The following SMPD4 variants were observed in gnomAD, a reference collection of about 807,000 sequenced individuals.
The protein encoded by SMPD4 is neutral sphingomyelinase 3.
A neutral mutation model predicts 97.8 loss-of-function variants in SMPD4; 58 were observed. The ratio of observed to expected loss-of-function variants is 0.59; its 90% CI spans 0.48 to 0.74. The LOEUF (loss-of-function observed/expected upper bound fraction) is 0.74. Ranked by LOEUF, SMPD4 falls within the 30% of genes least tolerant of loss-of-function variation. The pLI, the probability that SMPD4 is intolerant of heterozygous loss-of-function variation, is 0.00. For synonymous variants in SMPD4, 388 were observed against 450.0 expected, an observed-to-expected ratio of 0.86 and a Z score of 1.74; for missense variants, 853 against 1,080.5, an observed-to-expected ratio of 0.79 and a Z score of 2.95.
Position 130,181,555 on chromosome 2 carries a change from C to T in SMPD4, c.-71G>A. 2 of 1,606,504 alleles carry T rather than the reference C, an allele frequency of 1.2e-6. No individual in the cohort carries two copies. Among genetic ancestry groups the T allele is most frequent in the Non-Finnish European group, 8.5e-7 (1 of 1,177,538 alleles). ...CTGTGGGATCCATAGCGTCGCTCGCCTCAGAGATGGAAGCCGCCATTCCGC... is the reference window on the plus strand; with the variant it reads ...CTGTGGGATCCATAGCGTCGCTCGCTTCAGAGATGGAAGCCGCCATTCCGC... On this transcript the variant is annotated 5_prime_UTR_variant, in exon 1 of 20. Transcript: ENST00000680298.
At chr2:130,154,013 G>A (rs2104800587) in intron 16 of SMPD4, 78 bp from the exon 17 acceptor site, 5 of 1,411,578 alleles carry the variant, frequency 3.5e-6, no homozygotes, top group South Asian at 2.5e-5. Context: ...GCAATGCACA[G>A]CCAGACTGCT....
In SMPD4 at chr2:130,153,332, AGG is replaced by A; in HGVS notation, c.2010_2011del (p.Leu671GlyfsTer13). On this transcript the variant is annotated frameshift_variant, in exon 18 of 20. Transcript: ENST00000680298. LOFTEE classifies it high-confidence loss of function. ...CGGGCCTCTCACCTGGTACCGCCCCAGGGGCGTAAGGATGAGTCCGTCCTCAC... is the reference window on the plus strand; with the variant it reads ...CGGGCCTCTCACCTGGTACCGCCCCAGGCGTAAGGATGAGTCCGTCCTCAC... 1.9e-6 allele frequency: 3 copies of A among 1,613,712 alleles called. No homozygotes were observed. Among genetic ancestry groups the A allele is most frequent in the Non-Finnish European group, 2.5e-6 (3 of 1,179,996 alleles).
rs1278451724 is a variant in SMPD4, at chr2:130,164,402, T to A, written c.836A>T (p.Tyr279Phe). Residue 279 changes from tyrosine (Y) to phenylalanine (F), a missense_variant, in exon 10 of 20, where the codon TAT (tyrosine) becomes TTT (phenylalanine). Tyr to Phe is a conservative substitution (Grantham distance 22). Around this residue, in one of 3 missense-constraint regions of SMPD4, gnomAD observed 313 missense variants for 402.2 expected, o/e 0.78. Transcript: ENST00000680298. ...GGCATGAGGGGACTGCATTTTTTGA[T>A]ACATCTCCAAGGAATAGTGATGAAG... ...MWLHHYSLEMYQKMQSPHAKL... is the reference protein window; with the variant it reads ...MWLHHYSLEMFQKMQSPHAKL... The A allele has an allele frequency of 6.2e-7, 1 of 1,614,108 alleles. No homozygotes were observed. The highest frequency in any genetic ancestry group is 1.7e-5 in the Admixed American group (1 of 60,014).
intron 8 of SMPD4, among the ~76,000 whole-genome samples, chr2:130,168,574 C>T (rs111795012): frequency 1.3e-5 from 2 of 152,008 alleles, no homozygotes; most frequent in African/African-American, 4.8e-5. Context: ...GGCTGGAGTG[C>T]AATGATGCAA....
At chr2:130,174,868 G>A (rs997831078) in intron 3 of SMPD4, 46 bp downstream of exon 3, 24 of 1,378,148 alleles carry the variant, frequency 1.7e-5, no homozygotes, top group Middle Eastern at 1.8e-4. Flanking sequence ...GTTCTTCAAC[G>A]AATGTATAAG....
At position 130,174,895 on chromosome 2, in the gene SMPD4, G is replaced by A; in HGVS notation, c.126+19C>T. On this transcript the variant is annotated intron_variant, in intron 3 of 19. Transcript: ENST00000680298. ...ATGTATAAGACATGCTCCAAAGAGA[G>A]ACGTTAGCAGAGCTATACCTTTGCT... The A allele has an allele frequency of 1.3e-6, 2 of 1,541,886 alleles. No individual in the cohort carries two copies. The highest frequency in any genetic ancestry group is 1.1e-5 in the South Asian group (1 of 89,282).
rs1190826801 is a variant in SMPD4, at chr2:130,181,573, C to T, written c.-89G>A. 1 of 1,607,056 alleles carries T rather than the reference C, an allele frequency of 6.2e-7. No homozygotes were observed. The highest frequency in any genetic ancestry group is 1.7e-5 in the Admixed American group (1 of 59,268). On this transcript the variant is annotated 5_prime_UTR_variant, in exon 1 of 20. The change abolishes an upstream ATG in the 5' untranslated region. Coordinates refer to ENST00000680298, the MANE Select transcript of SMPD4 (RefSeq NM_017951.5). ...CGCTCGCCTCAGAGATGGAAGCCGC[C>T]ATTCCGCCACGGCGCCGAAAGTCGT...
chr2:130,171,341 G>T (rs1412412081), intron 8 of SMPD4, among the ~76,000 whole-genome samples: 3 of 151,796 alleles, frequency 2.0e-5, no homozygotes, highest in Non-Finnish European at 2.9e-5. Context: ...GACCTCAGGC[G>T]ATCCCTCCAC....
Position 130,153,665 on chromosome 2 carries a change from A to G in SMPD4, c.1893+37T>C, listed in dbSNP as rs761093722. 1.4e-5 allele frequency: 22 copies of G among 1,601,230 alleles called. 1 individual carries two copies. The South Asian group carries it at 2.4e-4, about 18-fold the overall frequency. On this transcript the variant is annotated intron_variant, in intron 17 of 19. Coordinates refer to ENST00000680298, the MANE Select transcript of SMPD4 (RefSeq NM_017951.5). ...TGGAGTGGATCCTTCAGGGAAGGGG[A>G]CCCTGATGGCGGTGGGGCAGGCCCC... is the stretch of plus-strand genomic sequence containing the variant.
intron 10 of SMPD4, among the ~76,000 whole-genome samples, chr2:130,162,068 G>A (rs893732290): frequency 2.0e-5 from 3 of 152,154 alleles, no homozygotes; most frequent in Admixed American, 6.5e-5. Context: ...CTAAGGTGGT[G>A]TGCACATCAG....
At chr2:130,170,303 A>T (rs1490378106) in intron 8 of SMPD4, among the ~76,000 whole-genome samples, 3 of 151,930 alleles carry the variant, frequency 2.0e-5, no homozygotes, top group African/African-American at 7.3e-5. Context: ...TCTGCTCAAC[A>T]TGGTGAAACC....
At chr2:130,179,575 G>A (rs1327972600) in intron 1 of SMPD4, among the ~76,000 whole-genome samples, 2 of 150,662 alleles carry the variant, frequency 1.3e-5, no homozygotes, top group Admixed American at 6.6e-5. Flanking sequence ...TTTAGTAGAG[G>A]CGGGTTTCCC....
intron 10 of SMPD4, among the ~76,000 whole-genome samples, chr2:130,163,933 G>C (rs112032236): frequency 0.044 from 6,706 of 152,302 alleles, 482 homozygotes; most frequent in African/African-American, 0.15. Context: ...TGGAGAAGGT[G>C]GGGGAGTAGG....
chr2:130,156,382 C>T, intron 13 of SMPD4: 2 of 671,658 alleles, frequency 3.0e-6, no homozygotes, highest in South Asian at 3.9e-5. Context: ...CTGCCCTGCA[C>T]CAGACAGGTG....
chr2:130,161,121 C>A lies in SMPD4; in HGVS notation c.951+65G>T, dbSNP rs1213818067. On this transcript the variant is annotated intron_variant, in intron 11 of 19. Coordinates refer to ENST00000680298, the MANE Select transcript of SMPD4 (RefSeq NM_017951.5). ...AGTCACCAGCGGCCGGCCCCGGCGG[C>A]CCCTTGCTTTGCCAGGCATGGACAT... 1.4e-5 allele frequency: 21 copies of A among 1,517,502 alleles called. No homozygotes were observed. The African/African-American group carries it at 2.9e-4, about 21-fold the overall frequency. 94.0% of individuals were successfully genotyped at this position (1,517,502 alleles called of 1,614,324 possible). A position where few individuals can be genotyped will look rare whatever the true frequency, so the allele number is the denominator to read the frequency against.
At chr2:130,174,211 G>C (rs1426211040) in intron 3 of SMPD4, among the ~76,000 whole-genome samples, 1 of 152,130 alleles carries the variant, frequency 6.6e-6, no homozygotes, top group Non-Finnish European at 1.5e-5. Context: ...TGTAGAGATA[G>C]GTTCTCAGTA....
At position 130,153,435 on chromosome 2, in the gene SMPD4, G is replaced by A. The variant is rs1295625303; in HGVS notation, c.1909C>T (p.Leu637Phe). The A allele has an allele frequency of 6.2e-7, 1 of 1,613,750 alleles. No homozygotes were observed. ...CCCAAGGCGAGTGTGAACTGCCTGA[G>A]CTGCGCTTCGCTGAGCTGCCAGAGA... is the stretch of plus-strand genomic sequence containing the variant. Reference protein sequence around the residue: ...RQIFRLSEAQLRQFTLALGTT... With the variant: ...RQIFRLSEAQFRQFTLALGTT... Residue 637 changes from leucine (L) to phenylalanine (F), a missense_variant, in exon 18 of 20, where the codon CTC (leucine) becomes TTC (phenylalanine). Physicochemically the swap from Leu to Phe is conservative, Grantham distance 22. This residue lies in a region of SMPD4 where 511 missense variants were observed against 608.1 expected (regional missense o/e 0.84). Transcript: ENST00000680298.
chr2:130,180,970 T>A (rs972382987), intron 1 of SMPD4, among the ~76,000 whole-genome samples: 2 of 152,194 alleles, frequency 1.3e-5, no homozygotes, highest in Non-Finnish European at 2.9e-5. Flanking sequence ...AGGAGCTGCT[T>A]CGGACCCCGT....
Position 130,172,678 on chromosome 2 carries a change from C to G in SMPD4, c.455-1G>C. On this transcript the variant is annotated splice_acceptor_variant, in intron 6 of 19. Transcript: ENST00000680298. LOFTEE classifies it high-confidence loss of function. ...AAGAATATGTAATACTCGAACGGAT[C>G]TGAGAGCAGCGTCAGGGGCAAACAT... 2 of 1,614,230 alleles carry G rather than the reference C, an allele frequency of 1.2e-6. No homozygotes were observed. Among genetic ancestry groups the G allele is most frequent in the Non-Finnish European group, 1.7e-6 (2 of 1,180,040 alleles).
Sources: allele counts gnomAD v4.1 joint callset (sites outside exome capture counted in the v4.1 genomes callset), GRCh38; gene constraint gnomAD v4.1.1; regional missense constraint gnomAD v4.1.1; transcripts MANE v1.5; gene names NCBI Gene and HGNC (gene_info 2026-07-23, HGNC 2026-07-21).